Variants in DPP6 observed in about 807,000 individuals in gnomAD.
DPP6 encodes the protein A-type potassium channel modulatory protein DPP6.
In DPP6, 69 loss-of-function variants were observed where a neutral mutation model predicts 122.6. The ratio of observed to expected loss-of-function variants is 0.56; its 90% confidence interval spans 0.46 to 0.69. DPP6 has a LOEUF of 0.69. Among genes scored for constraint, DPP6 ranks in the 30% least tolerant of loss-of-function variants. DPP6 has a pLI of 0.00. For synonymous variants in DPP6, 418 were observed against 433.1 expected (o/e 0.97, Z 0.43); for missense variants, 928 against 1,116.9 (o/e 0.83, Z 2.41).
chr7:154,546,267 A>C (rs1829181408), intron 4 of DPP6, among the ~76,000 whole-genome samples: 1 of 152,168 alleles, frequency 6.6e-6, no homozygotes, highest in Non-Finnish European at 1.5e-5. Flanking sequence ...TGAACTATGA[A>C]AATACTTAAT....
chr7:154,203,654 A>C (rs114188072), intron 1 of DPP6, among the ~76,000 whole-genome samples: 3,233 of 152,338 alleles, frequency 0.021, 133 homozygotes, highest in African/African-American at 0.073. Flanking sequence ...GCAGGAGAGC[A>C]GGAGAGAATT....
chr7:154,153,679 G>A (rs1442986073), intron 1 of DPP6, among the ~76,000 whole-genome samples: 4 of 152,166 alleles, frequency 2.6e-5, no homozygotes, highest in African/African-American at 9.6e-5. Context: ...CTACATCAAG[G>A]GTCAAATAGT....
At chr7:154,619,908 G>A (rs1834526185) in intron 5 of DPP6, among the ~76,000 whole-genome samples, 1 of 152,210 alleles carries the variant, frequency 6.6e-6, no homozygotes, top group Admixed American at 6.5e-5. Flanking sequence ...CAGGTACCTA[G>A]GATAGAGGTT....
the DPP6 span, among the ~76,000 whole-genome samples, chr7:153,869,437 G>T: frequency 3.3e-5 from 5 of 152,102 alleles, no homozygotes; most frequent in Non-Finnish European, 7.4e-5. Flanking sequence ...GATCTTTGTT[G>T]GTTTAAAGTC....
At chr7:154,270,441 C>T (rs1422505785) in intron 1 of DPP6, among the ~76,000 whole-genome samples, 1 of 152,140 alleles carries the variant, frequency 6.6e-6, no homozygotes, top group Non-Finnish European at 1.5e-5. Context: ...AGAGTAACAA[C>T]ATGAATCATA....
chr7:154,550,633 G>A (rs1472890847), intron 4 of DPP6, among the ~76,000 whole-genome samples: 2 of 151,912 alleles, frequency 1.3e-5, no homozygotes, highest in Non-Finnish European at 1.5e-5. Context: ...ATTTATTTAT[G>A]TTGATTTGGT....
chr7:153,907,923 G>A (rs1277051972), intron 1 of DPP6, among the ~76,000 whole-genome samples: 3 of 151,956 alleles, frequency 2.0e-5, no homozygotes, highest in Non-Finnish European at 4.4e-5. Context: ...TGGAGGCATG[G>A]TAAGTGTTTT....
At chr7:154,003,911 A>C (rs1366576741) in intron 1 of DPP6, among the ~76,000 whole-genome samples, 2 of 152,236 alleles carry the variant, frequency 1.3e-5, no homozygotes, top group Non-Finnish European at 2.9e-5. Context: ...CCCCATGGCC[A>C]AAGAATGGGG....
At chr7:154,313,712 TATACACACACACGC>T (rs1807147499) in intron 1 of DPP6, among the ~76,000 whole-genome samples, 1 of 24,914 alleles carries the variant, frequency 4.0e-5, no homozygotes, top group African/African-American at 1.1e-4. Context: ...TATATATATA[TATACACACACACGC>T]ACGCACACAC....
intron 1 of DPP6, among the ~76,000 whole-genome samples, chr7:154,383,826 G>T (rs923617489): frequency 6.9e-6 from 1 of 144,574 alleles, no homozygotes; most frequent in Non-Finnish European, 1.5e-5. Context: ...GGAGGCAGAG[G>T]TTGCAGTGAG....
the DPP6 span, among the ~76,000 whole-genome samples, chr7:153,878,007 T>C: frequency 6.6e-6 from 1 of 152,146 alleles, no homozygotes; most frequent in Non-Finnish European, 1.5e-5. Context: ...AAGAAACATA[T>C]AAAAGCTTTC....
chr7:154,121,463 G>C (rs1807460885), intron 1 of DPP6, among the ~76,000 whole-genome samples: 1 of 152,156 alleles, frequency 6.6e-6, no homozygotes, highest in South Asian at 2.1e-4. Context: ...CTGGTATGTT[G>C]TGTGGTATTT....
the DPP6 span, among the ~76,000 whole-genome samples, chr7:153,877,929 G>C: frequency 1.3e-5 from 2 of 152,026 alleles, no homozygotes; most frequent in Non-Finnish European, 2.9e-5. Flanking sequence ...AAAAGTCCTG[G>C]ACACTACAAA....
chr7:154,546,880 T>A lies in DPP6; in HGVS notation c.552+6254T>A, dbSNP rs578086916. Among the ~76,000 whole-genome samples, 26 of 152,360 alleles carry A rather than the reference T, an allele frequency of 1.7e-4. No homozygotes were observed. In the South Asian group the frequency reaches 5.4e-3, roughly 32 times the overall value. ...ACTTCTTCAAATAAACTCCACTGGATACTTGACCCCTGCATCAGTAATTCT... is the reference window on the plus strand; with the variant it reads ...ACTTCTTCAAATAAACTCCACTGGAAACTTGACCCCTGCATCAGTAATTCT... On this transcript the variant is annotated intron_variant, in intron 4 of 25. Transcript: ENST00000377770.
the DPP6 span, among the ~76,000 whole-genome samples, chr7:153,863,269 CT>C: frequency 2.0e-5 from 3 of 151,470 alleles, no homozygotes; most frequent in East Asian, 1.9e-4. Flanking sequence ...TGAACTCATC[CT>C]TTTTTATGGC....
chr7:154,556,039 C>G (rs1254332823), intron 4 of DPP6, among the ~76,000 whole-genome samples: 1 of 152,064 alleles, frequency 6.6e-6, no homozygotes, highest in Non-Finnish European at 1.5e-5. Flanking sequence ...GAATAAACAC[C>G]TTTGTGTAGC....
At chr7:154,030,732 G>T (rs939636948) in intron 1 of DPP6, among the ~76,000 whole-genome samples, 1 of 151,942 alleles carries the variant, frequency 6.6e-6, no homozygotes, top group Non-Finnish European at 1.5e-5. Flanking sequence ...GAGATTCAGC[G>T]TCTGGACTTC....
At chr7:153,770,682 C>G in the DPP6 span, among the ~76,000 whole-genome samples, 1 of 152,106 alleles carries the variant, frequency 6.6e-6, no homozygotes, top group Non-Finnish European at 1.5e-5. Flanking sequence ...AGACACAGAC[C>G]TGTCTAACAG....
intron 1 of DPP6, among the ~76,000 whole-genome samples, chr7:154,062,099 G>A (rs1171833120): frequency 5.6e-4 from 58 of 103,770 alleles, no homozygotes; most frequent in Non-Finnish European, 7.6e-4. Context: ...CCATCGCAGA[G>A]GGGGGACGCA....
Sources: allele counts gnomAD v4.1 joint callset (sites outside exome capture counted in the v4.1 genomes callset), GRCh38; gene constraint gnomAD v4.1.1; transcripts MANE v1.5; gene names NCBI Gene and HGNC (gene_info 2026-07-23, HGNC 2026-07-21).